CTNNA2: variants seen among roughly 807,000 people sequenced by gnomAD.
The protein encoded by CTNNA2 is catenin alpha-2.
A neutral mutation model predicts 101.0 loss-of-function variants in CTNNA2; 42 were observed. The ratio of observed to expected loss-of-function variants is 0.42; its 90% CI spans 0.32 to 0.54. CTNNA2 has a LOEUF of 0.54. CTNNA2 is among the 20% of genes least tolerant of loss of function. CTNNA2 has a pLI of 0.14. For synonymous variants in CTNNA2, 450 were observed against 456.4 expected (o/e 0.99, Z 0.18); for missense variants, 871 against 1,223.1 (o/e 0.71, Z 4.29).
intron 7 of CTNNA2, among the ~76,000 whole-genome samples, chr2:79,946,268 T>C (rs1688486882): frequency 6.6e-6 from 1 of 152,086 alleles, no homozygotes; most frequent in Admixed American, 6.6e-5. Flanking sequence ...TGGGAGCTGT[T>C]GCCAGGAACA....
rs769461618 is a variant in CTNNA2, at chr2:79,934,178, A to G, written c.1056+24381A>G. Reference sequence around the variant, plus strand: ...TTGAACTATTTTAATTTTGCCTATCATCCAAATACATTTTAAAAAGAAATT... The same window carrying G: ...TTGAACTATTTTAATTTTGCCTATCGTCCAAATACATTTTAAAAAGAAATT... On this transcript the variant is annotated intron_variant, in intron 7 of 18. Transcript: ENST00000402739. Among the ~76,000 whole-genome samples, 32 of 152,356 alleles carry G rather than the reference A, an allele frequency of 2.1e-4. 1 individual carries two copies. The highest frequency in any genetic ancestry group is 4.0e-4 in the Non-Finnish European group (27 of 68,032).
intron 7 of CTNNA2, among the ~76,000 whole-genome samples, chr2:80,063,349 G>A (rs1054175104): frequency 6.6e-6 from 1 of 152,098 alleles, no homozygotes; most frequent in Admixed American, 6.6e-5. Context: ...GATTGTAAAT[G>A]CTTTGAGCAT....
At chr2:79,425,236 A>C (rs1678581133) in intron 4 of CTNNA2, among the ~76,000 whole-genome samples, 1 of 152,162 alleles carries the variant, frequency 6.6e-6, no homozygotes, top group South Asian at 2.1e-4. Context: ...AAGGCCCCAA[A>C]GGCTATTTAA....
intron 3 of CTNNA2, among the ~76,000 whole-genome samples, chr2:79,764,078 G>A (rs932679111): frequency 6.6e-5 from 10 of 152,116 alleles, no homozygotes; most frequent in Non-Finnish European, 4.4e-5. Flanking sequence ...TGATCACAGT[G>A]GGTCCACATA....
chr2:79,885,001 C>T (rs1320756799), intron 6 of CTNNA2, among the ~76,000 whole-genome samples: 2 of 152,052 alleles, frequency 1.3e-5, no homozygotes, highest in Non-Finnish European at 2.9e-5. Context: ...CAGTTGTAGG[C>T]TTCTCTGGGT....
intron 1 of CTNNA2, among the ~76,000 whole-genome samples, chr2:79,567,739 G>T (rs1312963060): frequency 6.6e-6 from 1 of 152,040 alleles, no homozygotes; most frequent in Non-Finnish European, 1.5e-5. Context: ...ACCACAGAAG[G>T]TAGAGCCAAG....
intron 7 of CTNNA2, among the ~76,000 whole-genome samples, chr2:80,165,490 T>C (rs1704621885): frequency 6.6e-6 from 1 of 152,230 alleles, no homozygotes; most frequent in Non-Finnish European, 1.5e-5. Flanking sequence ...TTCTATTTAT[T>C]GTTTGTTTCA....
At chr2:80,125,041 A>G (rs1702041592) in intron 7 of CTNNA2, among the ~76,000 whole-genome samples, 2 of 152,156 alleles carry the variant, frequency 1.3e-5, no homozygotes, top group Admixed American at 6.5e-5. Context: ...CATTTTAGAC[A>G]TTTAACAAAA....
At chr2:79,193,919 T>TA (rs1379968331) in intron 1 of CTNNA2, among the ~76,000 whole-genome samples, 8 of 152,248 alleles carry the variant, frequency 5.3e-5, no homozygotes, top group African/African-American at 1.9e-4. Context: ...TGTAAATTGT[T>TA]ACGACATTGC....
At chr2:80,183,106 T>A (rs1473613760) in intron 7 of CTNNA2, among the ~76,000 whole-genome samples, 1 of 152,130 alleles carries the variant, frequency 6.6e-6, no homozygotes, top group Non-Finnish European at 1.5e-5. Context: ...CTGGTGTTAT[T>A]CCTGGAAATT....
At chr2:80,600,863 T>C (rs1697433278) in intron 15 of CTNNA2, among the ~76,000 whole-genome samples, 1 of 152,108 alleles carries the variant, frequency 6.6e-6, no homozygotes, top group Non-Finnish European at 1.5e-5. Flanking sequence ...GTGAGGCACC[T>C]GTCAGTATAC....
At chr2:80,024,207 G>C (rs1031963685) in intron 7 of CTNNA2, among the ~76,000 whole-genome samples, 1 of 151,978 alleles carries the variant, frequency 6.6e-6, no homozygotes. Context: ...TTAATATGTA[G>C]TGATTGTGAT....
intron 8 of CTNNA2, among the ~76,000 whole-genome samples, chr2:80,398,484 A>G (rs1440377688): frequency 1.3e-5 from 2 of 152,120 alleles, no homozygotes; most frequent in Admixed American, 6.5e-5. Context: ...CTGTGGAAAC[A>G]TGGAGATCAG....
chr2:80,356,803 A>G (rs1403301502), intron 7 of CTNNA2, among the ~76,000 whole-genome samples: 1 of 152,086 alleles, frequency 6.6e-6, no homozygotes, highest in Admixed American at 6.6e-5. Context: ...CTTTGGGGGC[A>G]TTTTTCTTGT....
intron 7 of CTNNA2, among the ~76,000 whole-genome samples, chr2:80,053,063 T>C (rs201160225): frequency 1.5e-3 from 233 of 152,356 alleles, no homozygotes; most frequent in Non-Finnish European, 2.7e-3. Flanking sequence ...CAAAGATTTT[T>C]TAAAGTTTTA....
chr2:80,456,683 TAGAC>T (rs1684005071), intron 9 of CTNNA2, among the ~76,000 whole-genome samples: 1 of 152,198 alleles, frequency 6.6e-6, no homozygotes, highest in African/African-American at 2.4e-5. Flanking sequence ...TACATGGCCT[TAGAC>T]AGGTACTTAT....
chr2:79,636,726 A>C (rs1342009194), intron 1 of CTNNA2: 2 of 152,178 alleles, frequency 1.3e-5, no homozygotes, highest in East Asian at 3.8e-4. Flanking sequence ...ATAATTTAAG[A>C]ATCACCCTAA....
At chr2:80,295,980 G>A (rs1482732074) in intron 7 of CTNNA2, among the ~76,000 whole-genome samples, 1 of 152,144 alleles carries the variant, frequency 6.6e-6, no homozygotes, top group Non-Finnish European at 1.5e-5. Context: ...TCTAAGGACT[G>A]AGATCATTTC....
At chr2:79,961,561 G>A (rs576929417) in intron 7 of CTNNA2, among the ~76,000 whole-genome samples, 2 of 152,164 alleles carry the variant, frequency 1.3e-5, no homozygotes, top group Non-Finnish European at 2.9e-5. Flanking sequence ...GGTGGCTCAC[G>A]CCTGTAATCC....
Sources: gnomAD v4.1 joint callset for allele counts (sites outside exome capture counted in the v4.1 genomes callset) on GRCh38, gnomAD v4.1.1 for gene constraint, MANE v1.5 for transcripts, NCBI Gene and HGNC (gene_info 2026-07-23, HGNC 2026-07-21) for gene names.